The following METTL16 variants were observed in gnomAD, a reference collection of about 807,000 sequenced individuals.
METTL16 encodes the protein RNA N(6)-adenosine-methyltransferase METTL16.
Under a neutral mutation model 57.9 loss-of-function variants are expected in METTL16, and 19 were observed. The observed-to-expected ratio is 0.33, with a 90% CI of 0.23 to 0.48. METTL16 has a LOEUF of 0.48. METTL16 is among the 20% of genes least tolerant of loss of function. The pLI, the probability that METTL16 is intolerant of heterozygous loss-of-function variation, is 0.99. For missense variants in METTL16, 434 were observed against 691.5 expected (o/e 0.63, Z 4.18); for synonymous variants, 246 against 255.6 (o/e 0.96, Z 0.36).
chr17:2,447,938 C>T (rs2067022734), intron 6 of METTL16, among the ~76,000 whole-genome samples: 4 of 108,954 alleles, frequency 3.7e-5, no homozygotes, highest in Non-Finnish European at 3.8e-5. Flanking sequence ...CCGCCCCGTC[C>T]GGGAGGGAGG....
rs144101648 is a variant in METTL16, at chr17:2,469,035, G to A, written c.470-1159C>T. ...GGATCACTTGAGGTCAGGAGTTCGA[G>A]ACCTGCCTGGCCAACATGGTGAAAC... On this transcript the variant is annotated intron_variant, in intron 4 of 9. Transcript: ENST00000263092. Among the ~76,000 whole-genome samples, 1,283 of 152,120 alleles carry A rather than the reference G, an allele frequency of 8.4e-3. 20 individuals are homozygous for A. The highest frequency in any genetic ancestry group is 0.03 in the African/African-American group (1,227 of 41,498).
intron 8 of METTL16, among the ~76,000 whole-genome samples, chr17:2,434,264 C>A (rs1175210865): frequency 6.6e-6 from 1 of 152,148 alleles, no homozygotes; most frequent in Non-Finnish European, 1.5e-5. Flanking sequence ...AACGGCGTGA[C>A]CTCGGCTCAC....
chr17:2,454,557 A>ATTTT (rs1263459882), intron 6 of METTL16, among the ~76,000 whole-genome samples: 1 of 140,434 alleles, frequency 7.1e-6, no homozygotes, highest in African/African-American at 2.7e-5. Context: ...CTATATTATT[A>ATTTT]TTATTATTTT....
chr17:2,417,085 T>TTTTA lies in METTL16; in HGVS notation c.*2884_*2885insTAAA, dbSNP rs869134753. On this transcript the variant is annotated 3_prime_UTR_variant, in exon 10 of 10. Coordinates refer to ENST00000263092, the MANE Select transcript of METTL16 (RefSeq NM_024086.4). The stretch of plus-strand genomic sequence containing the variant: ...TTTTTTTTTTTTTTTTTTTTTTTTT[T>TTTTA]GAGACAGTCCCACTTTGTCGCCCAG... 18 of 138,354 alleles carry TTTTA rather than the reference T, an allele frequency of 1.3e-4. No individual in the cohort carries two copies. Among genetic ancestry groups the TTTTA allele is most frequent in the African/African-American group, 4.9e-4 (17 of 34,946 alleles). 8.6% of individuals were successfully genotyped at this position (138,354 alleles called of 1,614,324 possible).
In METTL16 at chr17:2,511,808, C is replaced by G; in HGVS notation, c.-50G>C. 1 of 398,600 alleles carries G rather than the reference C, an allele frequency of 2.5e-6. No homozygotes were observed. The highest frequency in any genetic ancestry group is 4.4e-6 in the Non-Finnish European group (1 of 226,088). 24.7% of individuals were successfully genotyped at this position (398,600 alleles called of 1,614,324 possible). On this transcript the variant is annotated 5_prime_UTR_variant, in exon 1 of 10. Coordinates refer to ENST00000263092, the MANE Select transcript of METTL16 (RefSeq NM_024086.4). Reference sequence around the variant, plus strand: ...ACGTCGTGTCTGGCGTGGGCCTGTACAACCCTAGAATCTTAAAGCAGCCGC... The same window carrying G: ...ACGTCGTGTCTGGCGTGGGCCTGTAGAACCCTAGAATCTTAAAGCAGCCGC...
chr17:2,470,106 A>C (rs1275786783), intron 4 of METTL16, among the ~76,000 whole-genome samples: 2 of 152,196 alleles, frequency 1.3e-5, no homozygotes, highest in Admixed American at 6.5e-5. Context: ...TATCGAATAT[A>C]TGTCGCTGAT....
intron 2 of METTL16, 60 bp downstream of exon 2, chr17:2,502,144 A>G (rs2067493446): frequency 6.4e-7 from 1 of 1,562,334 alleles, no homozygotes; most frequent in Non-Finnish European, 8.7e-7. Flanking sequence ...TGGGCTTTCT[A>G]TTACATCATA....
At chr17:2,453,615 G>C (rs1275122518) in intron 6 of METTL16, among the ~76,000 whole-genome samples, 1 of 152,078 alleles carries the variant, frequency 6.6e-6, no homozygotes, top group Admixed American at 6.6e-5. Flanking sequence ...ACTTCTCTCT[G>C]TAACTGTAAG....
intron 6 of METTL16, among the ~76,000 whole-genome samples, chr17:2,463,299 C>T (rs753174685): frequency 6.6e-6 from 1 of 152,170 alleles, no homozygotes; most frequent in Non-Finnish European, 1.5e-5. Flanking sequence ...TATCACAGGA[C>T]CATCCTAATG....
At chr17:2,448,463 G>C (rs1454043464) in intron 6 of METTL16, among the ~76,000 whole-genome samples, 1 of 44,544 alleles carries the variant, frequency 2.2e-5, no homozygotes, top group Non-Finnish European at 4.1e-5. Flanking sequence ...TGTGCTCTCT[G>C]AAACATGTGC....
intron 6 of METTL16, among the ~76,000 whole-genome samples, chr17:2,458,131 C>T (rs2067124276): frequency 6.6e-6 from 1 of 152,198 alleles, no homozygotes; most frequent in Non-Finnish European, 1.5e-5. Context: ...CGTCCTACCT[C>T]AGCCTCCCAA....
At chr17:2,492,551 C>T (rs576533024) in intron 2 of METTL16, among the ~76,000 whole-genome samples, 1 of 152,144 alleles carries the variant, frequency 6.6e-6, no homozygotes, top group East Asian at 1.9e-4. Context: ...CCCTCCTTTT[C>T]AGGTGAGAAG....
intron 6 of METTL16, among the ~76,000 whole-genome samples, chr17:2,449,376 C>T (rs2067051623): frequency 6.6e-6 from 1 of 152,044 alleles, no homozygotes; most frequent in Admixed American, 6.6e-5. Context: ...GTAGCTAAAA[C>T]AAATTTTTTT....
At chr17:2,433,943 C>T (rs986150211) in intron 8 of METTL16, among the ~76,000 whole-genome samples, 1 of 152,220 alleles carries the variant, frequency 6.6e-6, no homozygotes, top group Non-Finnish European at 1.5e-5. Context: ...TACCACTCAG[C>T]ACTTACTCAC....
At position 2,440,299 on chromosome 17, in the gene METTL16, A is replaced by C. The variant is rs184889182; in HGVS notation, c.798+1191T>G. On this transcript the variant is annotated intron_variant, in intron 7 of 9. Coordinates refer to ENST00000263092, the MANE Select transcript of METTL16 (RefSeq NM_024086.4). ...GAGTCTCGCTGTGTCACCAGGCTGG[A>C]GTGCAGTGGCACGATCTCAGCTCAC... Among the ~76,000 whole-genome samples the C allele has an allele frequency of 4.6e-4, 70 of 151,752 alleles. 1 individual carries two copies. Among genetic ancestry groups the C allele is most frequent in the African/African-American group, 1.5e-3 (63 of 41,352 alleles).
intron 6 of METTL16, 57 bp downstream of exon 6, chr17:2,464,151 G>A: frequency 6.5e-7 from 1 of 1,545,274 alleles, no homozygotes; most frequent in Non-Finnish European, 8.8e-7. Flanking sequence ...GAACTACATA[G>A]CGGGTAAATA....
chr17:2,423,114 C>T (rs1189051983), intron 8 of METTL16, among the ~76,000 whole-genome samples: 2 of 152,190 alleles, frequency 1.3e-5, no homozygotes, highest in African/African-American at 4.8e-5. Context: ...ACAGCGCACA[C>T]GCACACATGC....
intron 4 of METTL16, among the ~76,000 whole-genome samples, chr17:2,472,685 A>G (rs1455970529): frequency 2.0e-5 from 3 of 152,218 alleles, no homozygotes; most frequent in Non-Finnish European, 4.4e-5. Flanking sequence ...AAAAGCTATC[A>G]AACTATAAAA....
At chr17:2,470,773 C>T (rs1037944604) in intron 4 of METTL16, among the ~76,000 whole-genome samples, 1 of 152,170 alleles carries the variant, frequency 6.6e-6, no homozygotes, top group African/African-American at 2.4e-5. Context: ...ACACTCCAGC[C>T]TGGGTGACAG....
Sources: gnomAD v4.1 joint callset for allele counts (sites outside exome capture counted in the v4.1 genomes callset) on GRCh38, gnomAD v4.1.1 for gene constraint, MANE v1.5 for transcripts, NCBI Gene and HGNC (gene_info 2026-07-23, HGNC 2026-07-21) for gene names.